PRKX: variants seen among roughly 807,000 people sequenced by gnomAD.
The protein encoded by PRKX is protein kinase cAMP-dependent X-linked catalytic subunit, also known as cAMP-dependent protein kinase catalytic subunit PRKX.
In PRKX, 12 loss-of-function variants were observed where a neutral mutation model predicts 22.0. The ratio of observed to expected loss-of-function variants is 0.54; its 90% CI spans 0.35 to 0.88. The LOEUF is 0.88. PRKX is among the 40% of genes least tolerant of loss of function. The probability of loss-of-function intolerance (pLI) is 0.01; values close to 1 mark genes in which losing one functional copy is unlikely to be tolerated. For synonymous variants in PRKX, 134 were observed against 137.7 expected (o/e 0.97, Z 0.19); for missense variants, 217 against 308.0 (o/e 0.70, Z 2.21).
intron 4 of PRKX, among the ~76,000 whole-genome samples, chrX:3,637,978 T>C (rs1926930326): frequency 9.1e-6 from 1 of 110,433 alleles, no homozygotes; most frequent in Admixed American, 9.7e-5. Flanking sequence ...GCCAGGCTGG[T>C]CTCGAACTCC....
chrX:3,652,521 T>C (rs1011923355), intron 3 of PRKX, among the ~76,000 whole-genome samples: 7 of 109,928 alleles, frequency 6.4e-5, no homozygotes, highest in African/African-American at 2.3e-4. Flanking sequence ...GAGGCGGAGG[T>C]TGCAGTGAGC....
chrX:3,645,731 C>T (rs1927174493), intron 3 of PRKX, among the ~76,000 whole-genome samples: 1 of 111,646 alleles, frequency 9.0e-6, no homozygotes, highest in South Asian at 3.8e-4. Flanking sequence ...CTCAGAGTTC[C>T]AGACCAGCCA....
intron 4 of PRKX, among the ~76,000 whole-genome samples, chrX:3,640,656 G>C (rs985568370): frequency 9.0e-6 from 1 of 111,568 alleles, no homozygotes; most frequent in Non-Finnish European, 1.9e-5. Flanking sequence ...GTTGGAACGA[G>C]AGTAACTCCA....
intron 8 of PRKX, among the ~76,000 whole-genome samples, chrX:3,610,561 A>AATACTTACTTAC (rs1926274082): frequency 9.0e-6 from 1 of 111,179 alleles, no homozygotes; most frequent in African/African-American, 3.3e-5. Flanking sequence ...TAGCAAAAAT[A>AATACTTACTTAC]ATACTTACTT....
At chrX:3,618,784 GA>G (rs1926493591) in intron 6 of PRKX, among the ~76,000 whole-genome samples, 1 of 111,327 alleles carries the variant, frequency 9.0e-6, no homozygotes, top group Non-Finnish European at 1.9e-5. Flanking sequence ...AGGTACCTAT[GA>G]TGGTCACTAC....
At chrX:3,632,682 A>AGT (rs768422911) in intron 4 of PRKX, among the ~76,000 whole-genome samples, 31 of 111,457 alleles carry the variant, frequency 2.8e-4, no homozygotes, top group Non-Finnish European at 3.8e-4. Context: ...AAGCAGAGAC[A>AGT]GTGTGTGTGT....
chrX:3,665,400 C>T (rs893737184), intron 2 of PRKX, among the ~76,000 whole-genome samples: 3 of 110,545 alleles, frequency 2.7e-5, no homozygotes, highest in Non-Finnish European at 5.7e-5. Context: ...CGCTTGAACC[C>T]AGGAGGCACA....
intron 2 of PRKX, among the ~76,000 whole-genome samples, chrX:3,673,458 C>G (rs1927887970): frequency 1.8e-5 from 2 of 110,464 alleles, no homozygotes; most frequent in African/African-American, 6.6e-5. Context: ...TGCAGAGGTA[C>G]CTGGGAGGAC....
chrX:3,670,652 C>T lies in PRKX; in HGVS notation c.335+3946G>A, dbSNP rs111774458. ...TCTCCGCCTCCCAGGATCAAGCGATCCCCCTACCTCAGCCTCCTGAGTAGC... is the reference window on the plus strand; with the variant it reads ...TCTCCGCCTCCCAGGATCAAGCGATTCCCCTACCTCAGCCTCCTGAGTAGC... On this transcript the variant is annotated intron_variant, in intron 2 of 8. Coordinates refer to ENST00000262848, the MANE Select transcript of PRKX (RefSeq NM_005044.5). 8.0e-3 allele frequency among the ~76,000 whole-genome samples: 882 copies of T among 109,677 alleles called. 6 individuals carry two copies. The highest frequency in any genetic ancestry group is 0.027 in the African/African-American group (825 of 30,014).
At position 3,670,863 on chromosome X, in the gene PRKX, C is replaced by A. The variant is rs149419956; in HGVS notation, c.335+3735G>T. Reference sequence around the variant, plus strand: ...CCCAAGTGGCAAACTCATTTTCTGTCATTTTTTGGGAAAAGTCACCTGTAA... The same window carrying A: ...CCCAAGTGGCAAACTCATTTTCTGTAATTTTTTGGGAAAAGTCACCTGTAA... On this transcript the variant is annotated intron_variant, in intron 2 of 8. Coordinates refer to ENST00000262848, the MANE Select transcript of PRKX (RefSeq NM_005044.5). Among the ~76,000 whole-genome samples, 832 of 111,224 alleles carry A rather than the reference C, an allele frequency of 7.5e-3. 9 individuals carry two copies. Among genetic ancestry groups the A allele is most frequent in the African/African-American group, 0.026 (805 of 30,630 alleles).
intron 4 of PRKX, among the ~76,000 whole-genome samples, chrX:3,639,460 G>C (rs1221192168): frequency 2.1e-4 from 10 of 48,583 alleles, no homozygotes; most frequent in East Asian, 1.1e-3. Context: ...GGGGTGGGGG[G>C]GTGGATGGAT....
At chrX:3,684,962 A>G (rs1218691795) in intron 1 of PRKX, among the ~76,000 whole-genome samples, 1 of 111,525 alleles carries the variant, frequency 9.0e-6, no homozygotes, top group Non-Finnish European at 1.9e-5. Context: ...GATTACAGGC[A>G]TGTGCCACCA....
chrX:3,627,429 A>G (rs1365985000), intron 4 of PRKX, among the ~76,000 whole-genome samples: 1 of 107,811 alleles, frequency 9.3e-6, no homozygotes, highest in Non-Finnish European at 1.9e-5. Context: ...ACACACAAAA[A>G]TAAGAAATGC....
chrX:3,699,466 C>G lies in PRKX; in HGVS notation c.166+13622G>C, dbSNP rs753884411. On this transcript the variant is annotated intron_variant, in intron 1 of 8. Transcript: ENST00000262848. ...CTGCCGGGTTCAAGTGATTCTCTCA[C>G]GTCAGCCTCCCAAGTAGCTGGGATT... is the stretch of plus-strand genomic sequence containing the variant. Among the ~76,000 whole-genome samples, 4 of 111,575 alleles carry G rather than the reference C, an allele frequency of 3.6e-5. No homozygotes were observed. In the East Asian group the frequency reaches 8.5e-4, roughly 24 times the overall value.
At chrX:3,622,987 T>C (rs977459335) in intron 5 of PRKX, among the ~76,000 whole-genome samples, 1 of 111,980 alleles carries the variant, frequency 8.9e-6, no homozygotes, top group Non-Finnish European at 1.9e-5. Context: ...GACAGGTTTA[T>C]TTATGCTTTT....
intron 2 of PRKX, among the ~76,000 whole-genome samples, chrX:3,673,357 G>A (rs1016412652): frequency 9.0e-6 from 1 of 111,408 alleles, no homozygotes; most frequent in Non-Finnish European, 1.9e-5. Flanking sequence ...GCCAGTCCAC[G>A]AGGATACTGG....
chrX:3,689,763 G>A (rs749478676), intron 1 of PRKX, among the ~76,000 whole-genome samples: 47 of 111,864 alleles, frequency 4.2e-4, no homozygotes, highest in Non-Finnish European at 7.3e-4. Flanking sequence ...GGATCACAAG[G>A]TCAGGAGATC....
chrX:3,671,361 C>G (rs2146593738), intron 2 of PRKX, among the ~76,000 whole-genome samples: 1 of 111,588 alleles, frequency 9.0e-6, no homozygotes, highest in African/African-American at 3.3e-5. Flanking sequence ...TCCAAAAATG[C>G]AGGGATTACA....
intron 2 of PRKX, among the ~76,000 whole-genome samples, chrX:3,674,255 G>A (rs1172860254): frequency 1.8e-5 from 2 of 111,164 alleles, no homozygotes; most frequent in Admixed American, 9.6e-5. Context: ...CAGTTCTGCC[G>A]AGAGCTATAG....
Sources: gnomAD v4.1 joint callset for allele counts (sites outside exome capture counted in the v4.1 genomes callset) on GRCh38, gnomAD v4.1.1 for gene constraint, MANE v1.5 for transcripts, NCBI Gene and HGNC (gene_info 2026-07-23, HGNC 2026-07-21) for gene names.